Variants in RBFOX1 observed in about 807,000 individuals in gnomAD.
RBFOX1 encodes the protein RNA binding fox-1 homolog 1, also known as RNA binding protein fox-1 homolog 1.
RBFOX1 carries 8 observed loss-of-function variants against 57.7 expected under a neutral mutation model. That is an observed-to-expected ratio of 0.14 (90% CI 0.08 to 0.25). RBFOX1 has a LOEUF of 0.25. RBFOX1 is among the 10% of genes least tolerant of loss of function. RBFOX1 has a pLI of 1.00. For missense variants in RBFOX1, 611 were observed against 548.5 expected, an observed-to-expected ratio of 1.11 and a Z score of -1.14; for synonymous variants, 326 against 222.4, an observed-to-expected ratio of 1.47 and a Z score of -4.15.
At chr16:7,041,713 A>T (rs1197795680) in intron 3 of RBFOX1, among the ~76,000 whole-genome samples, 1 of 152,180 alleles carries the variant, frequency 6.6e-6, no homozygotes, top group East Asian at 1.9e-4. Context: ...ATTTAGCCAA[A>T]TTCACAAGGC....
chr16:6,132,213 G>A (rs957866314), intron 1 of RBFOX1, among the ~76,000 whole-genome samples: 2 of 152,082 alleles, frequency 1.3e-5, no homozygotes, highest in African/African-American at 2.4e-5. Flanking sequence ...GGACACTTTC[G>A]GCAGCAACAG....
At chr16:6,044,488 TA>T (rs35188189) in intron 1 of RBFOX1, among the ~76,000 whole-genome samples, 7,595 of 142,910 alleles carry the variant, frequency 0.053, 200 homozygotes, top group African/African-American at 0.082. Flanking sequence ...TGTTTTAGGT[TA>T]AAAAAAAAAA....
At chr16:6,544,632 T>A (rs1307334916) in intron 2 of RBFOX1, among the ~76,000 whole-genome samples, 1 of 152,194 alleles carries the variant, frequency 6.6e-6, no homozygotes, top group Non-Finnish European at 1.5e-5. Context: ...AGAGACTGGA[T>A]GGATTTGAGG....
chr16:7,491,388 A>T (rs1418120992), intron 4 of RBFOX1, among the ~76,000 whole-genome samples: 1 of 150,534 alleles, frequency 6.6e-6, no homozygotes, highest in Non-Finnish European at 1.5e-5. Context: ...TTTAAGATTC[A>T]GTCTGCTGAA....
chr16:7,023,234 T>C (rs144506289), intron 3 of RBFOX1, among the ~76,000 whole-genome samples: 62 of 152,060 alleles, frequency 4.1e-4, no homozygotes, highest in African/African-American at 1.3e-3. Flanking sequence ...CCTATCACTT[T>C]GGGAGGCCAA....
chr16:7,417,572 G>C (rs1485280477), intron 4 of RBFOX1, among the ~76,000 whole-genome samples: 2 of 142,682 alleles, frequency 1.4e-5, no homozygotes, highest in African/African-American at 5.1e-5. Context: ...TCACTTCTCT[G>C]CAATGTCTCA....
In RBFOX1 at chr16:7,651,090, T is replaced by G. The variant is rs2064954863; in HGVS notation, c.758-2725T>G. 2.0e-5 allele frequency among the ~76,000 whole-genome samples: 3 copies of G among 152,250 alleles called. No individual in the cohort carries two copies. The South Asian group carries it at 6.2e-4, about 32-fold the overall frequency. On this transcript the variant is annotated intron_variant, in intron 11 of 15. Transcript: ENST00000550418. ...GAATAAAAAAAGTTAAAAATAACCTTTATGGTCTTCTCAGATACAAATAGA... is the reference window on the plus strand; with the variant it reads ...GAATAAAAAAAGTTAAAAATAACCTGTATGGTCTTCTCAGATACAAATAGA...
chr16:6,492,811 T>G (rs202233892), intron 2 of RBFOX1, among the ~76,000 whole-genome samples: 1 of 152,206 alleles, frequency 6.6e-6, no homozygotes. Context: ...TAAGATGTTA[T>G]GAGTGAGGAA....
chr16:6,965,498 G>C (rs530800750), intron 3 of RBFOX1, among the ~76,000 whole-genome samples: 3 of 152,088 alleles, frequency 2.0e-5, no homozygotes, highest in Admixed American at 1.3e-4. Flanking sequence ...CACCATGCCT[G>C]GCTAATTTTT....
chr16:6,107,936 A>T (rs17139425), intron 1 of RBFOX1, among the ~76,000 whole-genome samples: 54,292 of 152,016 alleles, frequency 0.36, 10,489 homozygotes, highest in Non-Finnish European at 0.44. Flanking sequence ...CTCCAAAAAA[A>T]TCATTGCCTT....
chr16:7,312,661 T>C (rs949310513), intron 4 of RBFOX1, among the ~76,000 whole-genome samples: 1 of 152,148 alleles, frequency 6.6e-6, no homozygotes, highest in Non-Finnish European at 1.5e-5. Flanking sequence ...CACAGCTCAA[T>C]TAATGCTCAG....
At chr16:5,379,803 A>G (rs2066084108) in intron 1 of RBFOX1, among the ~76,000 whole-genome samples, 1 of 152,172 alleles carries the variant, frequency 6.6e-6, no homozygotes, top group Admixed American at 6.5e-5. Flanking sequence ...TGCTTTATAG[A>G]TTAGTGGTCT....
chr16:6,519,475 A>G (rs2096458281), intron 2 of RBFOX1, among the ~76,000 whole-genome samples: 1 of 152,106 alleles, frequency 6.6e-6, no homozygotes, highest in Admixed American at 6.5e-5. Context: ...CCAACTCAGG[A>G]AGATCACCTG....
chr16:7,341,733 T>TC (rs2096896477), intron 4 of RBFOX1, among the ~76,000 whole-genome samples: 1 of 79,152 alleles, frequency 1.3e-5, no homozygotes, highest in Non-Finnish European at 2.5e-5. Flanking sequence ...CCTCCCTCCC[T>TC]CCTTCCCTCC....
intron 1 of RBFOX1, among the ~76,000 whole-genome samples, chr16:6,050,528 T>A (rs1395994036): frequency 6.6e-6 from 1 of 152,180 alleles, no homozygotes; most frequent in Non-Finnish European, 1.5e-5. Context: ...ATTGATCGAT[T>A]GTCTCCCTTT....
intron 2 of RBFOX1, among the ~76,000 whole-genome samples, chr16:6,646,214 T>C (rs1488099397): frequency 6.6e-6 from 1 of 152,128 alleles, no homozygotes; most frequent in African/African-American, 2.4e-5. Flanking sequence ...ACACCGGCTC[T>C]AGGCAGCGTG....
intron 5 of RBFOX1, among the ~76,000 whole-genome samples, chr16:7,536,212 G>A (rs750739352): frequency 6.6e-6 from 1 of 152,226 alleles, no homozygotes; most frequent in Non-Finnish European, 1.5e-5. Context: ...TGAAGGAAAG[G>A]TAGAGGGTGA....
intron 4 of RBFOX1, among the ~76,000 whole-genome samples, chr16:7,078,922 C>G (rs1173758904): frequency 8.3e-6 from 1 of 120,962 alleles, no homozygotes; most frequent in Non-Finnish European, 1.6e-5. Context: ...GTTGTCCAGG[C>G]TGGTCTTGAG....
intron 4 of RBFOX1, among the ~76,000 whole-genome samples, chr16:7,296,751 T>G (rs2095900656): frequency 6.6e-6 from 1 of 152,174 alleles, no homozygotes; most frequent in Admixed American, 6.5e-5. Flanking sequence ...CTCTGGGCCT[T>G]TCTTTCGGGT....
Sources: gnomAD v4.1 joint callset for allele counts (sites outside exome capture counted in the v4.1 genomes callset) on GRCh38, gnomAD v4.1.1 for gene constraint, MANE v1.5 for transcripts, NCBI Gene and HGNC (gene_info 2026-07-23, HGNC 2026-07-21) for gene names.